The following AGBL4 variants were observed in gnomAD, a reference collection of about 807,000 sequenced individuals.
The protein encoded by AGBL4 is AGBL carboxypeptidase 4.
Under a neutral mutation model 66.4 loss-of-function variants are expected in AGBL4, and 58 were observed. The observed-to-expected ratio is 0.87, with a 90% CI of 0.71 to 1.09. The LOEUF is 1.09. Ranked by LOEUF, AGBL4 falls within the 50% of genes least tolerant of loss-of-function variation. AGBL4 has a pLI of 0.00. For synonymous variants in AGBL4, 234 were observed against 222.9 expected (o/e 1.05, Z -0.44); for missense variants, 579 against 631.0 (o/e 0.92, Z 0.88).
intron 3 of AGBL4, among the ~76,000 whole-genome samples, chr1:49,279,279 C>G (rs953561323): frequency 6.6e-6 from 1 of 152,104 alleles, no homozygotes; most frequent in Non-Finnish European, 1.5e-5. Flanking sequence ...GCGTGGGGAC[C>G]TGTCTTACAA....
At chr1:49,798,969 C>A (rs1047112016) in intron 2 of AGBL4, among the ~76,000 whole-genome samples, 4 of 151,872 alleles carry the variant, frequency 2.6e-5, no homozygotes, top group Non-Finnish European at 5.9e-5. Context: ...ATAAGAATGC[C>A]AAAATACAGT....
intron 5 of AGBL4, among the ~76,000 whole-genome samples, chr1:48,942,773 A>G (rs189032698): frequency 1.1e-4 from 17 of 152,340 alleles, no homozygotes; most frequent in Admixed American, 9.8e-4. Context: ...ATTGTTTTCT[A>G]ACCACTAAGT....
At chr1:49,743,019 AG>A (rs1258808468) in intron 2 of AGBL4, among the ~76,000 whole-genome samples, 2 of 152,230 alleles carry the variant, frequency 1.3e-5, no homozygotes, top group Non-Finnish European at 2.9e-5. Context: ...AAACACCAAA[AG>A]CAATGACAAC....
At chr1:49,518,004 C>G (rs958427581) in intron 3 of AGBL4, among the ~76,000 whole-genome samples, 1 of 152,064 alleles carries the variant, frequency 6.6e-6, no homozygotes, top group Non-Finnish European at 1.5e-5. Flanking sequence ...CATTCATTCA[C>G]TCATTCTACT....
At chr1:49,654,349 T>C (rs982061692) in intron 3 of AGBL4, among the ~76,000 whole-genome samples, 2 of 152,214 alleles carry the variant, frequency 1.3e-5, no homozygotes, top group African/African-American at 4.8e-5. Context: ...TACAACTATG[T>C]GGTCAATTTT....
intron 4 of AGBL4, among the ~76,000 whole-genome samples, chr1:49,228,974 C>T (rs1650107177): frequency 6.6e-6 from 1 of 152,206 alleles, no homozygotes; most frequent in Non-Finnish European, 1.5e-5. Context: ...CTTCTCCATT[C>T]TCAGCATGCC....
intron 2 of AGBL4, among the ~76,000 whole-genome samples, chr1:49,724,825 G>T (rs1648892818): frequency 6.6e-6 from 1 of 152,094 alleles, no homozygotes; most frequent in Non-Finnish European, 1.5e-5. Context: ...CAAGAAGAAG[G>T]TCAGGAAGGT....
chr1:48,865,221 T>C (rs923606126), intron 6 of AGBL4, among the ~76,000 whole-genome samples: 1 of 152,118 alleles, frequency 6.6e-6, no homozygotes, highest in Non-Finnish European at 1.5e-5. Context: ...AGATAGTGAA[T>C]GAAAGTCCTT....
At chr1:49,740,378 AG>A (rs1390006915) in intron 2 of AGBL4, among the ~76,000 whole-genome samples, 1 of 152,234 alleles carries the variant, frequency 6.6e-6, no homozygotes, top group Non-Finnish European at 1.5e-5. Context: ...CGCCCAATAT[AG>A]GAGCACCCAG....
chr1:49,372,948 G>C (rs1031066580), intron 3 of AGBL4, among the ~76,000 whole-genome samples: 1 of 151,850 alleles, frequency 6.6e-6, no homozygotes, highest in Non-Finnish European at 1.5e-5. Context: ...TAGTAGAGAT[G>C]GGATCTCACT....
chr1:49,356,783 C>T, intron 3 of AGBL4, among the ~76,000 whole-genome samples: 1 of 152,170 alleles, frequency 6.6e-6, no homozygotes, highest in South Asian at 2.1e-4. Flanking sequence ...GAAATGCCTT[C>T]CTGTGGAGAG....
chr1:49,685,035 G>A (rs1646762539), intron 3 of AGBL4, among the ~76,000 whole-genome samples: 2 of 152,104 alleles, frequency 1.3e-5, no homozygotes, highest in African/African-American at 2.4e-5. Context: ...TCAATGGGTA[G>A]TTTTTTGAAC....
intron 5 of AGBL4, among the ~76,000 whole-genome samples, chr1:48,905,600 C>T (rs533948807): frequency 1.3e-5 from 2 of 152,240 alleles, no homozygotes; most frequent in South Asian, 4.2e-4. Flanking sequence ...CTCAATAACC[C>T]TTTGAAGTAA....
intron 3 of AGBL4, among the ~76,000 whole-genome samples, chr1:49,451,885 T>C (rs772455008): frequency 2.0e-5 from 3 of 151,860 alleles, no homozygotes; most frequent in Non-Finnish European, 2.9e-5. Context: ...AGAAAAAAAA[T>C]AGAACTACAT....
rs115951345 is a variant in AGBL4 at position 49,756,634 on chromosome 1, G to A, written c.158-59197C>T. Reference sequence around the variant, plus strand: ...ATGTTGTGGGATGGACCAGGTGGGCGGTAATTGAATCATGGAGGGAGTTTA... The same window carrying A: ...ATGTTGTGGGATGGACCAGGTGGGCAGTAATTGAATCATGGAGGGAGTTTA... On this transcript the variant is annotated intron_variant, in intron 2 of 13. Coordinates refer to ENST00000371839, the MANE Select transcript of AGBL4 (RefSeq NM_032785.4). Among the ~76,000 whole-genome samples the A allele has an allele frequency of 6.2e-3, 943 of 152,294 alleles. 9 individuals carry two copies. The highest frequency in any genetic ancestry group is 0.021 in the African/African-American group (876 of 41,560).
At chr1:49,195,965 G>A (rs1266570411) in intron 4 of AGBL4, among the ~76,000 whole-genome samples, 1 of 152,004 alleles carries the variant, frequency 6.6e-6, no homozygotes, top group African/African-American at 2.4e-5. Flanking sequence ...TTCATAAGGG[G>A]CTTTTCTCAC....
chr1:48,580,809 T>C (rs1281321297), intron 11 of AGBL4, among the ~76,000 whole-genome samples: 1 of 152,226 alleles, frequency 6.6e-6, no homozygotes, highest in Non-Finnish European at 1.5e-5. Context: ...ATGGTCTGGC[T>C]CTGCCTATAT....
intron 1 of AGBL4, among the ~76,000 whole-genome samples, chr1:49,897,014 TA>T: frequency 6.6e-6 from 1 of 151,980 alleles, no homozygotes; most frequent in Admixed American, 6.6e-5. Flanking sequence ...AAACTTAATT[TA>T]AAAAAACTGA....
chr1:49,707,245 T>C (rs926752777), intron 2 of AGBL4, among the ~76,000 whole-genome samples: 1 of 152,170 alleles, frequency 6.6e-6, no homozygotes, highest in Admixed American at 6.5e-5. Flanking sequence ...TGCATATATA[T>C]TTAGGATAGT....
Sources: gnomAD v4.1 joint callset for allele counts (sites outside exome capture counted in the v4.1 genomes callset) on GRCh38, gnomAD v4.1.1 for gene constraint, MANE v1.5 for transcripts, NCBI Gene and HGNC (gene_info 2026-07-23, HGNC 2026-07-21) for gene names.